The following GLDC variants were observed in gnomAD, a reference collection of about 807,000 sequenced individuals.
GLDC encodes glycine dehydrogenase (decarboxylating), mitochondrial.
Under a neutral mutation model 121.3 loss-of-function variants are expected in GLDC, and 104 were observed. That is an observed-to-expected ratio of 0.86 (90% CI 0.73 to 1.01). The LOEUF (loss-of-function observed/expected upper bound fraction) is 1.01, where lower values mean the gene tolerates loss of function less well. Ranked by LOEUF, GLDC falls within the 50% of genes least tolerant of loss-of-function variation. The probability of loss-of-function intolerance (pLI) is 0.00; values close to 1 mark genes in which losing one functional copy is unlikely to be tolerated. For missense variants in GLDC, 1,429 were observed against 1,306.6 expected, an observed-to-expected ratio of 1.09 and a Z score of -1.44; for synonymous variants, 546 against 480.6, an observed-to-expected ratio of 1.14 and a Z score of -1.78.
At chr9:6,609,168 T>G (rs1322345969) in intron 4 of GLDC, among the ~76,000 whole-genome samples, 1 of 152,226 alleles carries the variant, frequency 6.6e-6, no homozygotes. Context: ...TCCTAAGTAC[T>G]GGCAAGGCAA....
intron 21 of GLDC, chr9:6,541,904 AT>A (rs1274844374): frequency 7.0e-6 from 1 of 142,044 alleles, no homozygotes; most frequent in Non-Finnish European, 1.5e-5. Flanking sequence ...GAAACTGCAT[AT>A]TTTTAAACCA....
At chr9:6,637,523 C>T (rs2130004697) in intron 2 of GLDC, among the ~76,000 whole-genome samples, 1 of 151,896 alleles carries the variant, frequency 6.6e-6, no homozygotes, top group South Asian at 2.1e-4. Context: ...AATCACAGCT[C>T]ACTGCAACCT....
In GLDC at chr9:6,559,741, G is replaced by C. The variant is rs527519378; in HGVS notation, c.1927-1057C>G. Among the ~76,000 whole-genome samples the C allele has an allele frequency of 2.0e-5, 3 of 151,902 alleles. No individual in the cohort carries two copies. The East Asian group carries it at 5.8e-4, about 30-fold the overall frequency. On this transcript the variant is annotated intron_variant, in intron 16 of 24. Coordinates refer to ENST00000321612, the MANE Select transcript of GLDC (RefSeq NM_000170.3). ...GAGACAGAAGATTCGCTTGAATCCG[G>C]GAGGTGGAGGTTGCAGCGAGCCGAG...
intron 15 of GLDC, chr9:6,566,587 T>C (rs1817859334): frequency 6.6e-6 from 1 of 152,268 alleles, no homozygotes; most frequent in African/African-American, 2.4e-5. Context: ...AAGGCACCAC[T>C]TTCAGGGCAT....
intron 2 of GLDC, among the ~76,000 whole-genome samples, chr9:6,640,602 T>C (rs1035178409): frequency 1.1e-4 from 17 of 152,220 alleles, no homozygotes; most frequent in Non-Finnish European, 2.4e-4. Context: ...ATCTCCTCAG[T>C]TCTAGTTGAA....
chr9:6,611,513 G>T (rs375496872), intron 3 of GLDC, among the ~76,000 whole-genome samples: 1 of 149,336 alleles, frequency 6.7e-6, no homozygotes, highest in Non-Finnish European at 1.5e-5. Flanking sequence ...CTGAGATCAC[G>T]CCACTGTACT....
At chr9:6,534,985 C>T (rs1817092004) in intron 23 of GLDC, among the ~76,000 whole-genome samples, 197 bp from the exon 24 acceptor site, 1 of 152,174 alleles carries the variant, frequency 6.6e-6, no homozygotes, top group Non-Finnish European at 1.5e-5. Context: ...ATAATCATCA[C>T]ATCCACCACC....
Position 6,532,866 on chromosome 9 carries a change from G to A in GLDC, c.*151C>T. Reference sequence around the variant, plus strand: ...TCAGCTTCGACTCCCTCCAGCTACTGTATTTACATTTACCTTGACAGAGAT... The same window carrying A: ...TCAGCTTCGACTCCCTCCAGCTACTATATTTACATTTACCTTGACAGAGAT... On this transcript the variant is annotated 3_prime_UTR_variant, in exon 25 of 25. Transcript: ENST00000321612. The A allele has an allele frequency of 1.4e-6, 1 of 733,474 alleles. No homozygotes were observed. Among genetic ancestry groups the A allele is most frequent in the Non-Finnish European group, 2.5e-6 (1 of 403,522 alleles). 45.4% of individuals were successfully genotyped at this position (733,474 alleles called of 1,614,324 possible).
At chr9:6,634,552 CAAA>C (rs1563872408) in intron 2 of GLDC, among the ~76,000 whole-genome samples, 1 of 101,884 alleles carries the variant, frequency 9.8e-6, no homozygotes, top group Admixed American at 1.0e-4. Context: ...AACAAACAAA[CAAA>C]AAACAAAAAA....
chr9:6,606,057 C>CA (rs1366419865), intron 5 of GLDC: 1 of 160,052 alleles, frequency 6.2e-6, no homozygotes, highest in East Asian at 1.8e-4. Flanking sequence ...CCTGTAATCC[C>CA]AGGACTTTGG....
At chr9:6,617,018 C>G (rs1388882646) in intron 3 of GLDC, among the ~76,000 whole-genome samples, 1 of 152,152 alleles carries the variant, frequency 6.6e-6, no homozygotes, top group African/African-American at 2.4e-5. Context: ...AAAATAAATT[C>G]TAGACCTGAT....
chr9:6,608,084 C>T (rs1818772006), intron 4 of GLDC, among the ~76,000 whole-genome samples: 1 of 151,596 alleles, frequency 6.6e-6, no homozygotes, highest in South Asian at 2.1e-4. Context: ...GATCGTGCAC[C>T]CCAGCCTGGG....
At chr9:6,561,149 G>A (rs1434022581) in intron 16 of GLDC, among the ~76,000 whole-genome samples, 2 of 152,152 alleles carry the variant, frequency 1.3e-5, no homozygotes, top group Non-Finnish European at 2.9e-5. Flanking sequence ...AATGTGTGTT[G>A]TTTTAAGCCA....
intron 21 of GLDC, among the ~76,000 whole-genome samples, chr9:6,549,193 C>T (rs1817457548): frequency 6.6e-6 from 1 of 152,180 alleles, no homozygotes; most frequent in Non-Finnish European, 1.5e-5. Context: ...AATCAGCCAC[C>T]CGCTCTTTAC....
At chr9:6,637,360 G>C (rs1301438408) in intron 2 of GLDC, among the ~76,000 whole-genome samples, 2 of 151,214 alleles carry the variant, frequency 1.3e-5, no homozygotes, top group African/African-American at 4.9e-5. Context: ...AGCTGAGATC[G>C]AGCCATTGCA....
chr9:6,630,826 A>G (rs1249337350), intron 2 of GLDC, among the ~76,000 whole-genome samples: 1 of 152,114 alleles, frequency 6.6e-6, no homozygotes, highest in Non-Finnish European at 1.5e-5. Flanking sequence ...CCTTTCCCCA[A>G]CATCACCCAG....
chr9:6,582,952 T>C (rs1366687276), intron 15 of GLDC, among the ~76,000 whole-genome samples: 2 of 152,090 alleles, frequency 1.3e-5, no homozygotes, highest in Non-Finnish European at 2.9e-5. Context: ...ATGGTAAGCA[T>C]ATGAAAAGAT....
chr9:6,614,596 C>T (rs1430213001), intron 3 of GLDC, among the ~76,000 whole-genome samples: 1 of 149,276 alleles, frequency 6.7e-6, no homozygotes, highest in Non-Finnish European at 1.5e-5. Flanking sequence ...ACTATGTTGT[C>T]CAGGCTGGTC....
chr9:6,622,254 CCCCTCT>C (rs1819116536), intron 2 of GLDC, among the ~76,000 whole-genome samples: 1 of 152,012 alleles, frequency 6.6e-6, no homozygotes, highest in South Asian at 2.1e-4. Context: ...CCTCCCCCTC[CCCCTCT>C]CCCCACGGTC....
Sources: allele counts gnomAD v4.1 joint callset (sites outside exome capture counted in the v4.1 genomes callset), GRCh38; gene constraint gnomAD v4.1.1; transcripts MANE v1.5; gene names NCBI Gene and HGNC (gene_info 2026-07-23, HGNC 2026-07-21).